Variants in OCM observed in about 807,000 individuals in gnomAD.
OCM encodes the protein oncomodulin-1.
OCM carries 18 observed loss-of-function variants against 14.1 expected under a neutral mutation model. That is an observed-to-expected ratio of 1.28 (90% CI 0.88 to 1.89). The LOEUF is 1.89. Ranked by LOEUF, OCM falls within the 40% of genes most tolerant of loss-of-function variation. The pLI, the probability that OCM is intolerant of heterozygous loss-of-function variation, is 0.00. For synonymous variants in OCM, 48 were observed against 51.0 expected (o/e 0.94, Z 0.25); for missense variants, 140 against 137.6 (o/e 1.02, Z -0.09).
chr7:5,875,845 T>C, upstream of OCM, among the ~76,000 whole-genome samples: 1 of 151,790 alleles, frequency 6.6e-6, no homozygotes, highest in Non-Finnish European at 1.5e-5. Context: ...CCTTTTTTTT[T>C]TTTTTCCTGA....
At chr7:5,864,860 C>A in the OCM span, among the ~76,000 whole-genome samples, 1 of 151,964 alleles carries the variant, frequency 6.6e-6, no homozygotes, top group East Asian at 1.9e-4. Context: ...ATTGCTTGAA[C>A]CCGGGAGGCG....
At chr7:5,870,468 A>C in the OCM span, among the ~76,000 whole-genome samples, 1 of 152,186 alleles carries the variant, frequency 6.6e-6, no homozygotes, top group African/African-American at 2.4e-5. Flanking sequence ...TGGGGCCAGA[A>C]CAAGTCCTTA....
intron 3 of OCM, 57 bp from the exon 4 acceptor site, chr7:5,886,007 C>T (rs1480075256): frequency 9.9e-6 from 16 of 1,612,632 alleles, no homozygotes; most frequent in African/African-American, 6.7e-5. Flanking sequence ...GGCCACGGCA[C>T]GTCTGTAAAG....
chr7:5,868,023 C>A, the OCM span, among the ~76,000 whole-genome samples: 1 of 152,122 alleles, frequency 6.6e-6, no homozygotes, highest in Non-Finnish European at 1.5e-5. Context: ...CAGGAGTGAG[C>A]CACCGCACCC....
the OCM span, among the ~76,000 whole-genome samples, chr7:5,867,407 C>T: frequency 2.0e-5 from 3 of 152,118 alleles, no homozygotes; most frequent in Non-Finnish European, 4.4e-5. Context: ...CCTTCATCTT[C>T]TCTTTATCAC....
At chr7:5,873,190 C>A in the OCM span, among the ~76,000 whole-genome samples, 2 of 152,106 alleles carry the variant, frequency 1.3e-5, no homozygotes, top group African/African-American at 4.8e-5. Context: ...GCTTGACCAA[C>A]ATGGTAAAAC....
upstream of OCM, among the ~76,000 whole-genome samples, chr7:5,874,996 T>C (rs915934229): frequency 6.6e-6 from 1 of 151,726 alleles, no homozygotes; most frequent in African/African-American, 2.4e-5. Flanking sequence ...GTACCTCATA[T>C]TACTGGAATT....
the OCM span, among the ~76,000 whole-genome samples, chr7:5,865,172 TCGGGGCCG>T: frequency 1.0e-3 from 157 of 151,844 alleles, 1 homozygote; most frequent in Admixed American, 1.2e-3. Flanking sequence ...CTGGCCAGCG[TCGGGGCCG>T]ACGAGTAGTG....
the OCM span, among the ~76,000 whole-genome samples, chr7:5,865,316 C>T: frequency 6.6e-6 from 1 of 152,176 alleles, no homozygotes; most frequent in Non-Finnish European, 1.5e-5. Context: ...CCAGGACATG[C>T]TGAATTTTCT....
chr7:5,880,563 A>G (rs1033056798), upstream of OCM, among the ~76,000 whole-genome samples: 1 of 152,152 alleles, frequency 6.6e-6, no homozygotes, highest in African/African-American at 2.4e-5. Context: ...GCTCAAGACC[A>G]GCCTGGCCAA....
At chr7:5,877,241 A>T (rs1027607605), upstream of OCM, among the ~76,000 whole-genome samples, 1 of 152,018 alleles carries the variant, frequency 6.6e-6, no homozygotes, top group Non-Finnish European at 1.5e-5. Context: ...AGCAGGGTGG[A>T]TCACTTGAGT....
At chr7:5,880,252 T>C (rs1343951302), upstream of OCM, among the ~76,000 whole-genome samples, 1 of 152,236 alleles carries the variant, frequency 6.6e-6, no homozygotes, top group Non-Finnish European at 1.5e-5. Context: ...GTAACATGGT[T>C]TACGGCTGCC....
the OCM span, among the ~76,000 whole-genome samples, chr7:5,865,399 G>A: frequency 1.3e-5 from 2 of 152,152 alleles, no homozygotes; most frequent in African/African-American, 4.8e-5. Flanking sequence ...GAGAGATGGT[G>A]ACGCTAAGAG....
At chr7:5,874,427 A>G in the OCM span, among the ~76,000 whole-genome samples, 2 of 152,120 alleles carry the variant, frequency 1.3e-5, no homozygotes, top group Non-Finnish European at 2.9e-5. Flanking sequence ...ATCATTATGC[A>G]TATGCAACAT....
At chr7:5,877,975 T>TG (rs1781129304), upstream of OCM, among the ~76,000 whole-genome samples, 1 of 84,648 alleles carries the variant, frequency 1.2e-5, no homozygotes, top group Non-Finnish European at 2.3e-5. Flanking sequence ...GCAGTCAAAC[T>TG]CTTTTTTTTT....
chr7:5,871,574 C>T, the OCM span, among the ~76,000 whole-genome samples: 1 of 152,080 alleles, frequency 6.6e-6, no homozygotes, highest in African/African-American at 2.4e-5. Flanking sequence ...TATTCGTGAA[C>T]TGGGCAATGT....
chr7:5,876,825 G>C (rs552781460), upstream of OCM, among the ~76,000 whole-genome samples: 25 of 146,488 alleles, frequency 1.7e-4, no homozygotes, highest in South Asian at 4.7e-3. Context: ...TTTTTTTTGA[G>C]ATGGAGTTTT....
At chr7:5,879,220 G>A (rs1028271399), upstream of OCM, among the ~76,000 whole-genome samples, 77 of 152,212 alleles carry the variant, frequency 5.1e-4, no homozygotes, top group African/African-American at 1.6e-3. Flanking sequence ...AAAATCTTGA[G>A]GTGTCTAGTC....
chr7:5,871,243 T>A, the OCM span, among the ~76,000 whole-genome samples: 1 of 150,986 alleles, frequency 6.6e-6, no homozygotes, highest in African/African-American at 2.4e-5. Flanking sequence ...TAGTCACAGC[T>A]ACTTGGGAGG....
Sources: allele counts gnomAD v4.1 joint callset (sites outside exome capture counted in the v4.1 genomes callset), GRCh38; gene constraint gnomAD v4.1.1; transcripts MANE v1.5; gene names NCBI Gene and HGNC (gene_info 2026-07-23, HGNC 2026-07-21).